CNTNAP3: variants seen among roughly 807,000 people sequenced by gnomAD.
CNTNAP3 encodes the protein contactin-associated protein-like 3.
Under a neutral mutation model 92.1 loss-of-function variants are expected in CNTNAP3, and 36 were observed. The observed-to-expected ratio is 0.39, with a 90% CI of 0.30 to 0.52. The LOEUF is 0.52. Ranked by LOEUF, CNTNAP3 falls within the 20% of genes least tolerant of loss-of-function variation. CNTNAP3 has a pLI of 0.76. For missense variants in CNTNAP3, 534 were observed against 1,069.6 expected, an observed-to-expected ratio of 0.50 and a Z score of 6.98; for synonymous variants, 232 against 422.3, an observed-to-expected ratio of 0.55 and a Z score of 5.53.
chr9:39,076,071 C>T (rs1246431238), intron 23 of CNTNAP3, among the ~76,000 whole-genome samples: 2 of 152,258 alleles, frequency 1.3e-5, no homozygotes, highest in Admixed American at 1.3e-4. Flanking sequence ...TTTTCATCCC[C>T]TCGTTCAGGC....
intron 11 of CNTNAP3, among the ~76,000 whole-genome samples, chr9:39,141,455 C>G (rs567156158): frequency 1.3e-5 from 2 of 152,128 alleles, no homozygotes; most frequent in African/African-American, 4.8e-5. Flanking sequence ...AGAAACTTCC[C>G]TAAGTATTTT....
Position 39,067,809 on chromosome 9 carries a change from G to GT in CNTNAP3, c.*6080dup. Among the ~76,000 whole-genome samples the GT allele has an allele frequency of 6.6e-6, 1 of 152,428 alleles. No homozygotes were observed. Among genetic ancestry groups the GT allele is most frequent in the East Asian group, 1.9e-4 (1 of 5,194 alleles). On this transcript the variant is annotated 3_prime_UTR_variant, in exon 24 of 24. Transcript: ENST00000297668. ...TTCCAAATCTTTGAAGATTTGTTCAGTGGGGCCGCCATAGTAATACATGGT... is the reference window on the plus strand; with the variant it reads ...TTCCAAATCTTTGAAGATTTGTTCAGTTGGGGCCGCCATAGTAATACATGGT...
chr9:39,124,261 C>T (rs1431020339), intron 13 of CNTNAP3, among the ~76,000 whole-genome samples: 1 of 151,860 alleles, frequency 6.6e-6, no homozygotes, highest in Non-Finnish European at 1.5e-5. Flanking sequence ...AAGGCTACCA[C>T]TAAAACAATG....
intron 9 of CNTNAP3, among the ~76,000 whole-genome samples, chr9:39,151,816 T>C (rs1200439610): frequency 6.8e-6 from 1 of 147,714 alleles, no homozygotes; most frequent in Non-Finnish European, 1.5e-5. Context: ...AGCCTGCTTA[T>C]ATTGATTCTG....
intron 10 of CNTNAP3, among the ~76,000 whole-genome samples, chr9:39,149,062 C>T (rs1587733333): frequency 6.6e-6 from 1 of 152,022 alleles, no homozygotes; most frequent in Non-Finnish European, 1.5e-5. Context: ...TGTCCTTCTG[C>T]ACACATCTTC....
intron 18 of CNTNAP3, among the ~76,000 whole-genome samples, chr9:39,095,438 T>C (rs1374477030): frequency 6.6e-6 from 1 of 151,250 alleles, no homozygotes; most frequent in African/African-American, 2.4e-5. Flanking sequence ...GAGTATGATG[T>C]TAATTGCAGG....
At chr9:39,117,645 AAC>A (rs1211852869) in intron 14 of CNTNAP3, among the ~76,000 whole-genome samples, 1 of 152,170 alleles carries the variant, frequency 6.6e-6, no homozygotes, top group African/African-American at 2.4e-5. Flanking sequence ...CTACAAAATA[AAC>A]ACAGTCCTTT....
chr9:39,134,622 T>A (rs1821384437), intron 12 of CNTNAP3, among the ~76,000 whole-genome samples: 1 of 152,114 alleles, frequency 6.6e-6, no homozygotes, highest in Admixed American at 6.5e-5. Flanking sequence ...AGACGGGGGT[T>A]TCACCATGTT....
chr9:39,122,219 G>C (rs563825260), intron 13 of CNTNAP3, among the ~76,000 whole-genome samples: 25 of 152,378 alleles, frequency 1.6e-4, no homozygotes, highest in African/African-American at 6.0e-4. Context: ...GCCGGGCGTG[G>C]TGGCGGGCGC....
intron 10 of CNTNAP3, among the ~76,000 whole-genome samples, chr9:39,146,471 C>T (rs544189934): frequency 2.6e-5 from 4 of 152,138 alleles, no homozygotes; most frequent in African/African-American, 4.8e-5. Context: ...GGGTGGATGA[C>T]GAGGTCAGGA....
rs535841628 is a variant in CNTNAP3, at chr9:39,092,770, T to C, written c.2996-4123A>G. Among the ~76,000 whole-genome samples, 33 of 137,750 alleles carry C rather than the reference T, an allele frequency of 2.4e-4. 6 individuals carry two copies. Among genetic ancestry groups the C allele is most frequent in the Admixed American group, 4.2e-4 (6 of 14,290 alleles). 90.4% of individuals were successfully genotyped at this position (137,750 alleles called of 152,430 possible). Reference sequence around the variant, plus strand: ...ATTTTTTTCAACTCTATTTTCTTGGTAATCTTCTGAGTAATTATCCTTTAT... The same window carrying C: ...ATTTTTTTCAACTCTATTTTCTTGGCAATCTTCTGAGTAATTATCCTTTAT... On this transcript the variant is annotated intron_variant, in intron 18 of 23. Transcript: ENST00000297668.
intron 13 of CNTNAP3, among the ~76,000 whole-genome samples, chr9:39,126,171 T>C (rs1821148691): frequency 6.6e-6 from 1 of 152,134 alleles, no homozygotes; most frequent in Non-Finnish European, 1.5e-5. Context: ...TAGAATGGAA[T>C]TAAACTAATA....
At position 39,072,732 on chromosome 9, in the gene CNTNAP3, G is replaced by A. The variant is rs1825656365; in HGVS notation, c.*1158C>T. 1.3e-5 allele frequency: 2 copies of A among 152,036 alleles called. No individual in the cohort carries two copies. The highest frequency in any genetic ancestry group is 2.1e-4 in the South Asian group (1 of 4,824). 9.4% of individuals were successfully genotyped at this position (152,036 alleles called of 1,614,324 possible). ...TAATACACAATGATATTTATGCCTA[G>A]AGCAGTTCAAAATTTAGAAAAGGAA... is the stretch of plus-strand genomic sequence containing the variant. On this transcript the variant is annotated 3_prime_UTR_variant, in exon 24 of 24. Coordinates refer to ENST00000297668, the MANE Select transcript of CNTNAP3 (RefSeq NM_033655.5).
At chr9:39,102,944 G>A (rs2117864226) in intron 16 of CNTNAP3, among the ~76,000 whole-genome samples, 1 of 152,160 alleles carries the variant, frequency 6.6e-6, no homozygotes, top group East Asian at 1.9e-4. Context: ...ACCTTGTTAA[G>A]TCCTAAATAG....
chr9:39,108,705 C>A (rs544038106), intron 15 of CNTNAP3, among the ~76,000 whole-genome samples: 214 of 152,058 alleles, frequency 1.4e-3, no homozygotes, highest in African/African-American at 4.1e-3. Context: ...CACCCATGAA[C>A]GAAAATGCTG....
intron 14 of CNTNAP3, among the ~76,000 whole-genome samples, chr9:39,114,608 CT>C (rs1170751979): frequency 1.3e-5 from 2 of 152,030 alleles, no homozygotes; most frequent in African/African-American, 4.8e-5. Context: ...TATATTTTAT[CT>C]TTTGTAAATA....
chr9:39,125,872 C>G (rs1049193504), intron 13 of CNTNAP3, among the ~76,000 whole-genome samples: 1 of 152,060 alleles, frequency 6.6e-6, no homozygotes, highest in African/African-American at 2.4e-5. Context: ...AGAGACACAT[C>G]CATTATTACC....
chr9:39,150,155 TA>T (rs2118142678), intron 9 of CNTNAP3, among the ~76,000 whole-genome samples, 178 bp from the exon 10 acceptor site: 1 of 152,144 alleles, frequency 6.6e-6, no homozygotes, highest in Non-Finnish European at 1.5e-5. Flanking sequence ...AAATTTAAGA[TA>T]ATACCTGGAA....
intron 23 of CNTNAP3, among the ~76,000 whole-genome samples, chr9:39,077,109 A>G (rs1325363025): frequency 6.6e-6 from 1 of 152,262 alleles, no homozygotes; most frequent in Non-Finnish European, 1.5e-5. Flanking sequence ...CTTTTCTTCA[A>G]TTAAAAATAA....
Sources: allele counts gnomAD v4.1 joint callset (sites outside exome capture counted in the v4.1 genomes callset), GRCh38; gene constraint gnomAD v4.1.1; transcripts MANE v1.5; gene names NCBI Gene and HGNC (gene_info 2026-07-23, HGNC 2026-07-21).